MAGI2: variants seen among roughly 807,000 people sequenced by gnomAD.
MAGI2 encodes membrane associated guanylate kinase, WW and PDZ domain containing 2.
MAGI2 carries 35 observed loss-of-function variants against 133.3 expected under a neutral mutation model. That is an observed-to-expected ratio of 0.26 (90% confidence interval 0.20 to 0.35). The LOEUF is 0.35. Ranked by LOEUF, MAGI2 falls within the 10% of genes least tolerant of loss-of-function variation. The probability of loss-of-function intolerance (pLI) is 1.00; values close to 1 mark genes in which losing one functional copy is unlikely to be tolerated. For missense variants in MAGI2, 1,636 were observed against 1,863.4 expected, an observed-to-expected ratio of 0.88 and a Z score of 2.25; for synonymous variants, 729 against 710.6, an observed-to-expected ratio of 1.03 and a Z score of -0.41.
intron 1 of MAGI2, among the ~76,000 whole-genome samples, chr7:79,381,197 T>TG (rs1554466087): frequency 6.6e-6 from 1 of 151,684 alleles, no homozygotes; most frequent in Non-Finnish European, 1.5e-5. Context: ...ATCTCCTTTT[T>TG]TTGTTGTTGT....
chr7:78,800,776 T>C (rs1173810126), intron 2 of MAGI2, among the ~76,000 whole-genome samples: 1 of 152,130 alleles, frequency 6.6e-6, no homozygotes, highest in Non-Finnish European at 1.5e-5. Flanking sequence ...GAATTCACAC[T>C]TAGTCATCCA....
chr7:78,019,997 C>T, intron 21 of MAGI2, 21 bp from the exon 22 acceptor site: 1 of 1,582,260 alleles, frequency 6.3e-7, no homozygotes, highest in Non-Finnish European at 8.6e-7. Flanking sequence ...GAAGCACAGG[C>T]GTTAGCAGTG....
At chr7:78,531,255 C>T (rs1797447040) in intron 3 of MAGI2, among the ~76,000 whole-genome samples, 1 of 147,282 alleles carries the variant, frequency 6.8e-6, no homozygotes, top group South Asian at 2.1e-4. Context: ...CACTCTGTCA[C>T]CAGGCTGGAG....
At chr7:78,602,221 G>A (rs942176496) in intron 3 of MAGI2, among the ~76,000 whole-genome samples, 1 of 151,962 alleles carries the variant, frequency 6.6e-6, no homozygotes, top group Non-Finnish European at 1.5e-5. Flanking sequence ...TTGCAATGGC[G>A]CTATCTTTGC....
chr7:78,238,656 C>A (rs1267816235), intron 10 of MAGI2, among the ~76,000 whole-genome samples: 1 of 152,092 alleles, frequency 6.6e-6, no homozygotes, highest in Non-Finnish European at 1.5e-5. Flanking sequence ...CACTCCTAAC[C>A]AACCTCCTCC....
chr7:78,374,748 G>T (rs1794274474), intron 6 of MAGI2, among the ~76,000 whole-genome samples: 1 of 152,040 alleles, frequency 6.6e-6, no homozygotes, highest in Non-Finnish European at 1.5e-5. Flanking sequence ...TGTGAAATCA[G>T]ATACACAGAA....
At chr7:78,835,580 C>T (rs1357742757) in intron 2 of MAGI2, among the ~76,000 whole-genome samples, 1 of 152,122 alleles carries the variant, frequency 6.6e-6, no homozygotes, top group African/African-American at 2.4e-5. Context: ...GCTCCAAAAC[C>T]ATAAATGTGT....
At chr7:78,947,741 T>C (rs911227111) in intron 2 of MAGI2, among the ~76,000 whole-genome samples, 1 of 152,244 alleles carries the variant, frequency 6.6e-6, no homozygotes, top group East Asian at 1.9e-4. Flanking sequence ...CAGGGTCAGT[T>C]GCTAGCTTGG....
At chr7:78,676,092 A>G (rs374699524) in intron 2 of MAGI2, among the ~76,000 whole-genome samples, 4 of 152,176 alleles carry the variant, frequency 2.6e-5, no homozygotes, top group South Asian at 4.1e-4. Context: ...ATATTCAGTA[A>G]TAAGAAGTAT....
At chr7:78,855,967 T>A (rs1352620404) in intron 2 of MAGI2, among the ~76,000 whole-genome samples, 2 of 152,228 alleles carry the variant, frequency 1.3e-5, no homozygotes, top group Non-Finnish European at 2.9e-5. Context: ...TGAGATGGTA[T>A]CTCATTGTGG....
At chr7:79,448,620 G>A (rs937531746) in intron 1 of MAGI2, among the ~76,000 whole-genome samples, 1 of 152,104 alleles carries the variant, frequency 6.6e-6, no homozygotes, top group African/African-American at 2.4e-5. Flanking sequence ...GGTCTACTTA[G>A]GAGACTGTAC....
At chr7:78,510,782 T>C (rs1795495963) in intron 4 of MAGI2, among the ~76,000 whole-genome samples, 1 of 152,198 alleles carries the variant, frequency 6.6e-6, no homozygotes, top group Non-Finnish European at 1.5e-5. Flanking sequence ...CAGGGGCTGC[T>C]ACCGAGCTAC....
At chr7:79,413,681 T>C (rs570082670) in intron 1 of MAGI2, 3 of 150,786 alleles carry the variant, frequency 2.0e-5, no homozygotes, top group Admixed American at 6.6e-5. Flanking sequence ...TTTCATCCTC[T>C]CTCAAAGTGG....
chr7:79,069,824 T>C (rs1446154780), intron 1 of MAGI2, among the ~76,000 whole-genome samples: 1 of 152,220 alleles, frequency 6.6e-6, no homozygotes, highest in Non-Finnish European at 1.5e-5. Context: ...TCTCAGCATT[T>C]GCTTGTCTGT....
intron 2 of MAGI2, among the ~76,000 whole-genome samples, chr7:79,003,692 C>T (rs2109713): frequency 0.68 from 102,948 of 152,136 alleles, 34,970 homozygotes; most frequent in Non-Finnish European, 0.7. Flanking sequence ...TTCTACTGCA[C>T]CCTTTCTGAA....
intron 2 of MAGI2, among the ~76,000 whole-genome samples, chr7:78,723,718 T>G (rs985750511): frequency 1.3e-5 from 2 of 152,154 alleles, no homozygotes; most frequent in Non-Finnish European, 2.9e-5. Flanking sequence ...AGAGGGAAAT[T>G]GATTTGGATC....
chr7:78,943,982 C>T (rs1030431028), intron 2 of MAGI2, among the ~76,000 whole-genome samples: 2 of 152,018 alleles, frequency 1.3e-5, no homozygotes, highest in Non-Finnish European at 1.5e-5. Flanking sequence ...TCAAAAGTTC[C>T]CAAGAGAAAG....
Position 79,029,809 on chromosome 7 carries a change from C to T in MAGI2, c.302-22603G>A, listed in dbSNP as rs960991492. The stretch of plus-strand genomic sequence containing the variant: ...GTGTTCTAATTTACCAATAATCAAA[C>T]GAGTTTAGAGATGAATTAACTCTCC... On this transcript the variant is annotated intron_variant, in intron 1 of 21. Coordinates refer to ENST00000354212, the MANE Select transcript of MAGI2 (RefSeq NM_012301.4). Among the ~76,000 whole-genome samples the T allele has an allele frequency of 3.9e-5, 6 of 152,166 alleles. No individual in the cohort carries two copies. The South Asian group carries it at 8.3e-4, about 21-fold the overall frequency.
rs181553000 is a variant in MAGI2 at position 78,378,159 on chromosome 7, C to T, written c.1046-8946G>A. Among the ~76,000 whole-genome samples the T allele has an allele frequency of 6.5e-4, 98 of 151,598 alleles. 1 individual carries two copies. Among genetic ancestry groups the T allele is most frequent in the African/African-American group, 2.2e-3 (92 of 41,380 alleles). ...ACTGCCAAAGAGAAAATAGAGTGAACCTAAAATATAAGGACTATTGAGGAA... is the reference window on the plus strand; with the variant it reads ...ACTGCCAAAGAGAAAATAGAGTGAATCTAAAATATAAGGACTATTGAGGAA... On this transcript the variant is annotated intron_variant, in intron 6 of 21. Coordinates refer to ENST00000354212, the MANE Select transcript of MAGI2 (RefSeq NM_012301.4).
Sources: gnomAD v4.1 joint callset for allele counts (sites outside exome capture counted in the v4.1 genomes callset) on GRCh38, gnomAD v4.1.1 for gene constraint, MANE v1.5 for transcripts, NCBI Gene and HGNC (gene_info 2026-07-23, HGNC 2026-07-21) for gene names.